OTOF: variants seen among roughly 807,000 people sequenced by gnomAD.
OTOF encodes fer-1-like family member 2.
In OTOF, 218 loss-of-function variants were observed where a neutral mutation model predicts 236.8. That is an observed-to-expected ratio of 0.92 (90% CI 0.82 to 1.03). The LOEUF is 1.03. Ranked by LOEUF, OTOF falls within the 50% of genes least tolerant of loss-of-function variation. The pLI is 0.00. For synonymous variants in OTOF, 1,041 were observed against 1,072.5 expected (o/e 0.97, Z 0.57); for missense variants, 2,590 against 2,694.4 (o/e 0.96, Z 0.86).
At chr2:26,527,461 G>A (rs1414140173) in intron 3 of OTOF, among the ~76,000 whole-genome samples, 2 of 152,186 alleles carry the variant, frequency 1.3e-5, no homozygotes, top group Non-Finnish European at 2.9e-5. Context: ...TCTTGGAGGA[G>A]ATCATCAGCC....
chr2:26,464,825 C>G (rs757116135), intron 39 of OTOF, 44 bp downstream of exon 39: 1 of 1,571,834 alleles, frequency 6.4e-7, no homozygotes, highest in Admixed American at 1.8e-5. Context: ...GCCTCTGAAA[C>G]CCCCTGGAGA....
intron 1 of OTOF, 26 bp downstream of exon 1, chr2:26,558,464 GCGT>G (rs775620450): frequency 4.3e-5 from 68 of 1,592,588 alleles, no homozygotes; most frequent in Non-Finnish European, 5.6e-5. Flanking sequence ...CTCAGAGCTG[GCGT>G]CCCTCTGAGA....
intron 33 of OTOF, 43 bp downstream of exon 33, chr2:26,468,365 G>A: frequency 6.7e-7 from 1 of 1,503,246 alleles, no homozygotes. Flanking sequence ...TGACCACCCA[G>A]GGGCGGGGAG....
At chr2:26,490,151 G>A (rs1439752237) in intron 9 of OTOF, among the ~76,000 whole-genome samples, 1 of 152,200 alleles carries the variant, frequency 6.6e-6, no homozygotes, top group Admixed American at 6.5e-5. Context: ...GTGAAATGGG[G>A]ATAATGACAC....
intron 33 of OTOF, 52 bp downstream of exon 33, chr2:26,468,356 G>A: frequency 7.0e-7 from 1 of 1,419,830 alleles, no homozygotes; most frequent in Non-Finnish European, 1.0e-6. Flanking sequence ...CAGGAGAGCT[G>A]ACCACCCAGG....
intron 1 of OTOF, among the ~76,000 whole-genome samples, chr2:26,552,134 A>G (rs1667477233): frequency 6.6e-6 from 1 of 151,660 alleles, no homozygotes; most frequent in Non-Finnish European, 1.5e-5. Flanking sequence ...TTACGCCTAT[A>G]ATCCCAGCAC....
chr2:26,460,422 A>G lies in OTOF; in HGVS notation c.5814-217T>C, dbSNP rs918973422. Among the ~76,000 whole-genome samples, 4 of 152,222 alleles carry G rather than the reference A, an allele frequency of 2.6e-5. No homozygotes were observed. The highest frequency in any genetic ancestry group is 6.5e-5 in the Admixed American group (1 of 15,286). On this transcript the variant is annotated intron_variant, in intron 45 of 46. Coordinates refer to ENST00000272371, the MANE Select transcript of OTOF (RefSeq NM_194248.3). This position sits in a 1 kb window ranked among gnomAD's most constrained non-coding sequence, Gnocchi z 5.3. ...GGGAAGAGCATAGTTTCTCTCCGCT[A>G]GATGGGGCCTTTCCCAGGGAAGGTC... is the stretch of plus-strand genomic sequence containing the variant.
intron 1 of OTOF, among the ~76,000 whole-genome samples, chr2:26,548,052 G>A (rs1667375851): frequency 6.6e-6 from 1 of 152,084 alleles, no homozygotes; most frequent in Non-Finnish European, 1.5e-5. Context: ...TTTCATCTGA[G>A]TTGTAGAATT....
intron 12 of OTOF, among the ~76,000 whole-genome samples, chr2:26,483,914 A>G (rs1187484612): frequency 6.6e-6 from 1 of 152,232 alleles, no homozygotes; most frequent in African/African-American, 2.4e-5. Context: ...AAGCACGCTA[A>G]AACATATGAG....
Position 26,460,029 on chromosome 2 carries a change from G to GA in OTOF, c.5989_5990insT (p.Ala1997ValfsTer188). On this transcript the variant is annotated frameshift_variant, in exon 46 of 47. Coordinates refer to ENST00000272371, the MANE Select transcript of OTOF (RefSeq NM_194248.3). LOFTEE classifies it high-confidence loss of function. This position sits in a 1 kb window ranked among gnomAD's most constrained non-coding sequence, Gnocchi z 5.3. Reference sequence around the variant, plus strand: ...AGACCCAGGAGGCCACTGGGCTCAGGCCCCGAGGATTTTCTTGACCAGGTA... The same window carrying GA: ...AGACCCAGGAGGCCACTGGGCTCAGGACCCCGAGGATTTTCTTGACCAGGTA... 6.4e-7 allele frequency: 1 copy of GA among 1,567,518 alleles called. No individual in the cohort carries two copies. The highest frequency in any genetic ancestry group is 1.3e-5 in the African/African-American group (1 of 74,306).
chr2:26,472,389 C>T, intron 30 of OTOF, 130 bp downstream of exon 30: 2 of 1,169,574 alleles, frequency 1.7e-6, no homozygotes, highest in Non-Finnish European at 2.6e-6. Context: ...CAAGCTCAGC[C>T]CCCGACAGTC....
At chr2:26,482,732 GATGCATGT>G in intron 13 of OTOF, 140 bp from the exon 14 acceptor site, 2 of 685,700 alleles carry the variant, frequency 2.9e-6, no homozygotes, top group Non-Finnish European at 5.0e-6. Context: ...TGTGTGAGTG[GATGCATGT>G]GTGCGTGTGT....
intron 3 of OTOF, among the ~76,000 whole-genome samples, chr2:26,522,225 A>G (rs1227084279): frequency 6.6e-6 from 1 of 152,230 alleles, no homozygotes; most frequent in African/African-American, 2.4e-5. Context: ...TAAAAATTAT[A>G]TTTTTTGACA....
chr2:26,521,457 T>C (rs1313689939), intron 3 of OTOF, among the ~76,000 whole-genome samples: 2 of 152,194 alleles, frequency 1.3e-5, no homozygotes, highest in Non-Finnish European at 2.9e-5. Flanking sequence ...TTAACCTGCC[T>C]GAATCTCAGA....
In OTOF at chr2:26,474,009, G is replaced by A. The variant is rs917428828; in HGVS notation, c.3390C>T (p.Leu1130=). Residue 1130 remains leucine, a synonymous_variant, in exon 27 of 47, where the codon CTC becomes CTT. Transcript: ENST00000272371. ...CTCGCACCTCCACTCGGTACTTGCT[G>A]AGCACGGGCCGGATGCCCATGGGCA... The part of the protein sequence containing the change: ...MPVPMGIRPV[L]SKYRVEVLFW... The A allele has an allele frequency of 8.7e-6, 14 of 1,612,882 alleles. No homozygotes were observed. Among genetic ancestry groups the A allele is most frequent in the Middle Eastern group, 1.6e-4 (1 of 6,080 alleles).
Position 26,470,617 on chromosome 2 carries a change from A to G in OTOF, c.3999T>C (p.Phe1333=). ...CCTCCTTCATGGTGTCAATGGAGGC[A>G]AAGTACTTGGACCACCAGTCCAGCA... The part of the protein sequence containing the change: ...ESMLDWWSKY[F]ASIDTMKEQL... Residue 1333 remains phenylalanine, a synonymous_variant, in exon 32 of 47, where the codon TTT becomes TTC. Coordinates refer to ENST00000272371, the MANE Select transcript of OTOF (RefSeq NM_194248.3). This position sits in a 1 kb window ranked among gnomAD's most constrained non-coding sequence, Gnocchi z 4.3. The G allele has an allele frequency of 6.2e-7, 1 of 1,614,166 alleles. No homozygotes were observed. The highest frequency in any genetic ancestry group is 8.5e-7 in the Non-Finnish European group (1 of 1,180,040).
intron 2 of OTOF, among the ~76,000 whole-genome samples, chr2:26,534,948 AG>A (rs1667034395): frequency 6.6e-6 from 1 of 152,256 alleles, no homozygotes; most frequent in Admixed American, 6.5e-5. Flanking sequence ...GGGGGAAGCC[AG>A]GGAAGTTTAC....
intron 11 of OTOF, among the ~76,000 whole-genome samples, chr2:26,486,635 G>A (rs1665708251): frequency 6.6e-6 from 1 of 152,220 alleles, no homozygotes; most frequent in Non-Finnish European, 1.5e-5. Flanking sequence ...CAGGGTGACA[G>A]ATTTTGAGAT....
At chr2:26,464,757 G>T in intron 39 of OTOF, 112 bp downstream of exon 39, 1 of 1,082,820 alleles carries the variant, frequency 9.2e-7, no homozygotes, top group Non-Finnish European at 1.3e-6. Flanking sequence ...CCAGGTTTAG[G>T]CTGAGGACAC....
Sources: allele counts gnomAD v4.1 joint callset (sites outside exome capture counted in the v4.1 genomes callset), GRCh38; gene constraint gnomAD v4.1.1; non-coding constraint Gnocchi (gnomAD v3.1); transcripts MANE v1.5; gene names NCBI Gene and HGNC (gene_info 2026-07-23, HGNC 2026-07-21).